Variants in HEMK2 observed in about 807,000 individuals in gnomAD.
HEMK2 encodes the protein methyltransferase HEMK2.
chr21:28,625,924 T>C, the HEMK2 span, among the ~76,000 whole-genome samples: 1 of 152,112 alleles, frequency 6.6e-6, no homozygotes, highest in Admixed American at 6.6e-5. Context: ...AAAAAATCAT[T>C]CTAAGATAAA....
At chr21:28,674,379 T>G in the HEMK2 span, among the ~76,000 whole-genome samples, 1 of 152,184 alleles carries the variant, frequency 6.6e-6, no homozygotes, top group African/African-American at 2.4e-5. Context: ...TTTATAGACT[T>G]GTCCTGAATT....
chr21:28,690,459 A>G, the HEMK2 span, among the ~76,000 whole-genome samples: 1 of 152,216 alleles, frequency 6.6e-6, no homozygotes, highest in African/African-American at 2.4e-5. Context: ...AAGCAAGTCA[A>G]GCTCACCTGG....
chr21:28,816,861 C>G, the HEMK2 span, among the ~76,000 whole-genome samples: 2 of 152,184 alleles, frequency 1.3e-5, no homozygotes, highest in African/African-American at 2.4e-5. Context: ...CTGGTAAGTG[C>G]TCCAGACTGA....
chr21:28,800,460 T>G, the HEMK2 span, among the ~76,000 whole-genome samples: 4 of 152,198 alleles, frequency 2.6e-5, no homozygotes, highest in Admixed American at 2.6e-4. Context: ...TGGCAGGTCC[T>G]GATCTGTACC....
the HEMK2 span, among the ~76,000 whole-genome samples, chr21:28,697,778 C>CCAAAAAAA: frequency 2.5e-5 from 2 of 79,554 alleles, no homozygotes; most frequent in Non-Finnish European, 4.4e-5. Flanking sequence ...ATCATGAGCC[C>CCAAAAAAA]AAAAAAAAAA....
the HEMK2 span, chr21:28,882,245 G>C: frequency 1.9e-6 from 3 of 1,610,752 alleles, no homozygotes; most frequent in South Asian, 2.2e-5. Context: ...GTTGATATCA[G>C]TGCACCTATA....
chr21:28,653,327 G>A, the HEMK2 span, among the ~76,000 whole-genome samples: 2 of 151,546 alleles, frequency 1.3e-5, no homozygotes, highest in African/African-American at 4.9e-5. Flanking sequence ...GCTTACTCTG[G>A]ATAACAAAGC....
At chr21:28,870,903 A>G in the HEMK2 span, among the ~76,000 whole-genome samples, 3 of 152,166 alleles carry the variant, frequency 2.0e-5, no homozygotes, top group Non-Finnish European at 4.4e-5. Context: ...TAAACATCCC[A>G]TGGGTGCTTG....
the HEMK2 span, among the ~76,000 whole-genome samples, chr21:28,730,767 T>C: frequency 1.3e-5 from 2 of 152,204 alleles, no homozygotes; most frequent in East Asian, 3.9e-4. Context: ...GTCACAATGT[T>C]TTACAACCTA....
At chr21:28,885,073 T>G in the HEMK2 span, 1 of 1,265,522 alleles carries the variant, frequency 7.9e-7, no homozygotes, top group South Asian at 1.9e-5. Flanking sequence ...AATTACGGCG[T>G]CCTGGCTGTC....
At chr21:28,622,393 G>A in the HEMK2 span, among the ~76,000 whole-genome samples, 1 of 152,078 alleles carries the variant, frequency 6.6e-6, no homozygotes, top group Non-Finnish European at 1.5e-5. Context: ...TCATGAAAAT[G>A]GCCATACTAC....
chr21:28,831,476 AAAGAAAGAAAG>A, the HEMK2 span, among the ~76,000 whole-genome samples: 5 of 41,442 alleles, frequency 1.2e-4, no homozygotes, highest in East Asian at 2.6e-3. Context: ...AGAAAGAAAG[AAAGAAAGAAAG>A]AAAGAAAGAA....
chr21:28,634,368 G>A, the HEMK2 span, among the ~76,000 whole-genome samples: 8 of 152,124 alleles, frequency 5.3e-5, no homozygotes, highest in African/African-American at 4.8e-5. Context: ...CAAATCTGTC[G>A]CAGTAGCTAA....
the HEMK2 span, among the ~76,000 whole-genome samples, chr21:28,673,748 C>A: frequency 9.3e-6 from 1 of 108,066 alleles, no homozygotes; most frequent in East Asian, 3.5e-4. Context: ...TCACATATAA[C>A]CCACATATAT....
At chr21:28,851,017 G>T in the HEMK2 span, among the ~76,000 whole-genome samples, 27 of 152,102 alleles carry the variant, frequency 1.8e-4, no homozygotes, top group Non-Finnish European at 2.4e-4. Flanking sequence ...ATGATGCTGT[G>T]CACACCCCAC....
At chr21:28,854,063 A>G in the HEMK2 span, among the ~76,000 whole-genome samples, 1 of 152,188 alleles carries the variant, frequency 6.6e-6, no homozygotes, top group Non-Finnish European at 1.5e-5. Flanking sequence ...GAGGCTCAGT[A>G]TCTGCTTCTG....
the HEMK2 span, among the ~76,000 whole-genome samples, chr21:28,856,415 C>CAA: frequency 8.4e-6 from 1 of 118,854 alleles, no homozygotes; most frequent in Non-Finnish European, 1.8e-5. Flanking sequence ...GACTCCATCT[C>CAA]AAAAAAAAAA....
At chr21:28,718,770 G>T in the HEMK2 span, among the ~76,000 whole-genome samples, 14 of 151,844 alleles carry the variant, frequency 9.2e-5, no homozygotes, top group African/African-American at 3.4e-4. Context: ...ATTTTTCTTT[G>T]TTTCAAACAA....
chr21:28,738,711 C>T, the HEMK2 span, among the ~76,000 whole-genome samples: 1 of 152,192 alleles, frequency 6.6e-6, no homozygotes, highest in African/African-American at 2.4e-5. Flanking sequence ...AGCTTACGTC[C>T]TAGGAAAACC....
Sources: allele counts gnomAD v4.1 joint callset (sites outside exome capture counted in the v4.1 genomes callset), GRCh38; gene constraint gnomAD v4.1.1; transcripts MANE v1.5; gene names NCBI Gene and HGNC (gene_info 2026-07-23, HGNC 2026-07-21).